PPHLN1: variants seen among roughly 807,000 people sequenced by gnomAD.
The protein encoded by PPHLN1 is periphilin 1.
A neutral mutation model predicts 51.3 loss-of-function variants in PPHLN1; 29 were observed. The observed-to-expected ratio is 0.57, with a 90% CI of 0.42 to 0.77. The LOEUF is 0.77. PPHLN1 is among the 30% of genes least tolerant of loss of function. PPHLN1 has a pLI of 0.00. For synonymous variants in PPHLN1, 147 were observed against 147.8 expected (o/e 0.99, Z 0.04); for missense variants, 436 against 438.4 (o/e 0.99, Z 0.05).
At chr12:42,380,335 A>G (rs1208291619) in intron 5 of PPHLN1, among the ~76,000 whole-genome samples, 1 of 152,012 alleles carries the variant, frequency 6.6e-6, no homozygotes, top group East Asian at 1.9e-4. Context: ...CTGTAGCTCT[A>G]ACTTTGGGCC....
chr12:42,337,777 T>TTTTATTTTATTTTATTTTATTTATTTA, intron 2 of PPHLN1, among the ~76,000 whole-genome samples: 1 of 140,448 alleles, frequency 7.1e-6, no homozygotes, highest in East Asian at 2.1e-4. Context: ...TTTTATTTTA[T>TTTTATTTTATTTTATTTTATTTATTTA]TTTATTTATT....
intron 9 of PPHLN1, among the ~76,000 whole-genome samples, chr12:42,404,528 TCAACAACAACAA>T (rs143140913): frequency 6.6e-6 from 1 of 150,892 alleles, no homozygotes; most frequent in Non-Finnish European, 1.5e-5. Context: ...AAACTCCGTC[TCAACAACAACAA>T]CAACAACAAC....
rs1592112049 is a variant in PPHLN1, at chr12:42,326,193, G to T, written c.-57G>T. 1 of 152,344 alleles carries T rather than the reference G, an allele frequency of 6.6e-6. No homozygotes were observed. Among genetic ancestry groups the T allele is most frequent in the Non-Finnish European group, 1.5e-5 (1 of 68,148 alleles). 9.4% of individuals were successfully genotyped at this position (152,344 alleles called of 1,614,324 possible). On this transcript the variant is annotated 5_prime_UTR_variant, in exon 1 of 10. Transcript: ENST00000358314. ...CCTGGGATAACGGCGGCGAGCGGAC[G>T]GCTGCATTTACGGGGTCTCCCGGAG...
intron 2 of PPHLN1, among the ~76,000 whole-genome samples, chr12:42,341,615 A>C (rs143560365): frequency 1.3e-5 from 2 of 151,816 alleles, no homozygotes; most frequent in Middle Eastern, 3.4e-3. Flanking sequence ...TATGCTTTTA[A>C]ATTATTATTA....
chr12:42,391,269 C>T (rs2077680813), intron 7 of PPHLN1, among the ~76,000 whole-genome samples: 1 of 152,098 alleles, frequency 6.6e-6, no homozygotes, highest in South Asian at 2.1e-4. Context: ...AACGGAGTTT[C>T]ACTCTGTCGT....
Position 42,441,302 on chromosome 12 carries a change from T to C in PPHLN1, c.910-13T>C. Reference sequence around the variant, plus strand: ...TTCATTCTCAGCTAACCAGAATGTGTTTTACCTTTTAGGTTTACCGACAAG... The same window carrying C: ...TTCATTCTCAGCTAACCAGAATGTGCTTTACCTTTTAGGTTTACCGACAAG... On this transcript the variant is annotated splice_polypyrimidine_tract_variant and intron_variant, in intron 9 of 9. Coordinates refer to ENST00000358314, the MANE Select transcript of PPHLN1 (RefSeq NM_201439.2). 1 of 1,601,480 alleles carries C rather than the reference T, an allele frequency of 6.2e-7. No homozygotes were observed. The highest frequency in any genetic ancestry group is 2.2e-5 in the East Asian group (1 of 44,674).
chr12:42,446,691 G>GA, downstream of PPHLN1: 2 of 1,551,302 alleles, frequency 1.3e-6, no homozygotes, highest in Non-Finnish European at 8.8e-7. Flanking sequence ...GCAAAAAACA[G>GA]AAAAGGGGTG....
At chr12:42,339,004 A>G (rs1057269590) in intron 2 of PPHLN1, among the ~76,000 whole-genome samples, 1 of 152,360 alleles carries the variant, frequency 6.6e-6, no homozygotes, top group African/African-American at 2.4e-5. Context: ...ATTTAATATT[A>G]TCTGTGTTTG....
intron 9 of PPHLN1, among the ~76,000 whole-genome samples, chr12:42,437,739 T>TA (rs2082607143): frequency 6.6e-6 from 1 of 152,222 alleles, no homozygotes; most frequent in Non-Finnish European, 1.5e-5. Context: ...TACAGTTCTG[T>TA]GAATTTTGAC....
chr12:42,353,310 A>G (rs1209034428), intron 3 of PPHLN1, among the ~76,000 whole-genome samples: 2 of 152,066 alleles, frequency 1.3e-5, no homozygotes, highest in African/African-American at 2.4e-5. Flanking sequence ...ACTGTATAAT[A>G]TGACAATTAA....
At chr12:42,442,630 C>T (rs374077078), downstream of PPHLN1, 12 of 1,613,648 alleles carry the variant, frequency 7.4e-6, no homozygotes, top group Middle Eastern at 1.6e-4. Context: ...TTCATCCGGT[C>T]GCTCGGCCAG....
At chr12:42,434,522 G>A (rs970911779) in intron 9 of PPHLN1, among the ~76,000 whole-genome samples, 1 of 152,168 alleles carries the variant, frequency 6.6e-6, no homozygotes, top group Non-Finnish European at 1.5e-5. Flanking sequence ...CTGTGAATTG[G>A]TTTCTGTATT....
At chr12:42,351,331 T>C (rs1296445815) in intron 2 of PPHLN1, 2 of 152,192 alleles carry the variant, frequency 1.3e-5, no homozygotes, top group Non-Finnish European at 2.9e-5. Context: ...ACTTTGAAAA[T>C]TAGTTCAAAT....
rs1030456243 is a variant in PPHLN1, at chr12:42,375,054, T to A, written c.491T>A (p.Phe164Tyr). Reference sequence around the variant, plus strand: ...CCAGAAAGGAGCAAATCATACTCTTTCCATCAGTCTCAACATAGAAGTATG... The same window carrying A: ...CCAGAAAGGAGCAAATCATACTCTTACCATCAGTCTCAACATAGAAGTATG... Reference protein sequence around the residue: ...YSPERSKSYSFHQSQHRKSVR... With the variant: ...YSPERSKSYSYHQSQHRKSVR... The change falls in exon 5 of 10, where the codon TTC (phenylalanine) becomes TAC (tyrosine). Residue 164 changes from phenylalanine (F) to tyrosine (Y), a missense_variant. Physicochemically the swap from Phe to Tyr is conservative, Grantham distance 22. Transcript: ENST00000358314. The A allele has an allele frequency of 6.2e-7, 1 of 1,609,890 alleles. No homozygotes were observed. Among genetic ancestry groups the A allele is most frequent in the Non-Finnish European group, 8.5e-7 (1 of 1,176,976 alleles).
intron 7 of PPHLN1, among the ~76,000 whole-genome samples, chr12:42,388,666 C>A (rs1198421706): frequency 6.6e-6 from 1 of 152,204 alleles, no homozygotes; most frequent in Non-Finnish European, 1.5e-5. Context: ...CTCGTCCCAC[C>A]TGACGAGATA....
chr12:42,425,246 A>ATTTTTTTTTTTTT (rs34484756), intron 9 of PPHLN1, among the ~76,000 whole-genome samples: 38 of 124,790 alleles, frequency 3.0e-4, no homozygotes, highest in African/African-American at 9.2e-4. Flanking sequence ...TGCCTGGCTA[A>ATTTTTTTTTTTTT]TTTTTTTTTT....
In PPHLN1 at chr12:42,371,811, T is replaced by G. The variant is rs145867720; in HGVS notation, c.300-3052T>G. Among the ~76,000 whole-genome samples the G allele has an allele frequency of 5.2e-3, 797 of 152,320 alleles. 5 individuals are homozygous for G. Among genetic ancestry groups the G allele is most frequent in the Middle Eastern group, 0.037 (11 of 294 alleles). ...TGCCAATTACATGTTGGTAATACTT[T>G]GGATATATTGGGTTAAGTAAAATAA... On this transcript the variant is annotated intron_variant, in intron 4 of 9. Coordinates refer to ENST00000358314, the MANE Select transcript of PPHLN1 (RefSeq NM_201439.2).
intron 9 of PPHLN1, among the ~76,000 whole-genome samples, chr12:42,407,831 T>A (rs888159423): frequency 2.6e-5 from 4 of 152,184 alleles, no homozygotes; most frequent in African/African-American, 9.6e-5. Flanking sequence ...TAGGGAATAA[T>A]GAAAAGGAAA....
At chr12:42,419,206 G>A (rs965710936) in intron 9 of PPHLN1, among the ~76,000 whole-genome samples, 8 of 152,104 alleles carry the variant, frequency 5.3e-5, no homozygotes, top group Non-Finnish European at 4.4e-5. Flanking sequence ...GTGTTTTAAA[G>A]TAAGAGAGAA....
Sources: allele counts gnomAD v4.1 joint callset (sites outside exome capture counted in the v4.1 genomes callset), GRCh38; gene constraint gnomAD v4.1.1; transcripts MANE v1.5; gene names NCBI Gene and HGNC (gene_info 2026-07-23, HGNC 2026-07-21).